The following PRPF39 variants were observed in gnomAD, a reference collection of about 807,000 sequenced individuals.
The protein encoded by PRPF39 is pre-mRNA processing factor 39.
A neutral mutation model predicts 82.1 loss-of-function variants in PRPF39; 27 were observed. The observed-to-expected ratio is 0.33, with a 90% confidence interval of 0.24 to 0.45. PRPF39 has a LOEUF of 0.45. PRPF39 is among the 20% of genes least tolerant of loss of function. The probability of loss-of-function intolerance (pLI) is 1.00; values close to 1 mark genes in which losing one functional copy is unlikely to be tolerated. For missense variants in PRPF39, 581 were observed against 796.9 expected (o/e 0.73, Z 3.26); for synonymous variants, 261 against 256.4 (o/e 1.02, Z -0.17).
chr14:45,110,399 A>G lies in PRPF39; in HGVS notation c.1304-150A>G, dbSNP rs1884665781. ...GGCTTTGTAAGCCATTGTAGCCCCG[A>G]AACAGCCATAGGCAGTGTGTAAATA... On this transcript the variant is annotated intron_variant, in intron 9 of 13. Coordinates refer to ENST00000355765, the MANE Select transcript of PRPF39 (RefSeq NM_017922.4). The surrounding 1 kb of genome is among the most constrained non-coding windows in gnomAD (Gnocchi z 4.0). 2 of 1,194,942 alleles carry G rather than the reference A, an allele frequency of 1.7e-6. No individual in the cohort carries two copies. Among genetic ancestry groups the G allele is most frequent in the African/African-American group, 3.1e-5 (2 of 64,770 alleles). The allele number at this position is 1,194,942 out of a possible 1,614,324, so 74.0% of individuals were successfully genotyped here.
At chr14:45,092,471 C>T (rs1015278308) in intron 1 of PRPF39, among the ~76,000 whole-genome samples, 16 of 151,898 alleles carry the variant, frequency 1.1e-4, no homozygotes, top group African/African-American at 3.6e-4. Context: ...CATGGTGGTG[C>T]GTGCCTGTAG....
intron 4 of PRPF39, among the ~76,000 whole-genome samples, chr14:45,099,549 A>C (rs940645029): frequency 6.6e-6 from 1 of 151,612 alleles, no homozygotes. Context: ...GGTTCACGCC[A>C]TTCTTCTGCA....
chr14:45,089,412 T>A (rs1883948065), intron 1 of PRPF39, among the ~76,000 whole-genome samples: 1 of 152,192 alleles, frequency 6.6e-6, no homozygotes, highest in African/African-American at 2.4e-5. Flanking sequence ...GGGAGTTTAT[T>A]TCTGTGTTCT....
At chr14:45,108,644 C>T (rs1474769481) in intron 7 of PRPF39, 122 bp downstream of exon 7, 1 of 1,264,182 alleles carries the variant, frequency 7.9e-7, no homozygotes, top group African/African-American at 1.6e-5. Context: ...GCCATAACTT[C>T]AGATGTTTGT....
At chr14:45,089,953 A>G (rs1410549936) in intron 1 of PRPF39, among the ~76,000 whole-genome samples, 2 of 152,216 alleles carry the variant, frequency 1.3e-5, no homozygotes, top group African/African-American at 2.4e-5. Context: ...CTGTGATTGC[A>G]GGGTGTGGAG....
chr14:45,087,787 C>T (rs1883886658), intron 1 of PRPF39, among the ~76,000 whole-genome samples: 1 of 148,026 alleles, frequency 6.8e-6, no homozygotes, highest in African/African-American at 2.5e-5. Context: ...CGGGATTTCA[C>T]CGTGTTAGAC....
chr14:45,088,483 A>G (rs1883914697), intron 1 of PRPF39, among the ~76,000 whole-genome samples: 1 of 152,224 alleles, frequency 6.6e-6, no homozygotes, highest in African/African-American at 2.4e-5. Flanking sequence ...AAAAACAGAA[A>G]GCAAAACTCA....
At chr14:45,097,073 G>C (rs1269634858) in intron 4 of PRPF39, 68 bp downstream of exon 4, 2 of 1,432,390 alleles carry the variant, frequency 1.4e-6, no homozygotes, top group South Asian at 3.3e-5. Context: ...TGATAATAGA[G>C]CTCATGAAAG....
At chr14:45,102,765 A>C (rs1254800255) in intron 5 of PRPF39, 69 bp downstream of exon 5, 4 of 1,374,088 alleles carry the variant, frequency 2.9e-6, no homozygotes, top group Non-Finnish European at 4.0e-6. Flanking sequence ...TAAGTATTAT[A>C]ATTATCTTGG....
intron 1 of PRPF39, among the ~76,000 whole-genome samples, chr14:45,093,140 T>TA (rs1156646047): frequency 1.3e-5 from 2 of 152,188 alleles, no homozygotes; most frequent in Admixed American, 1.3e-4. Flanking sequence ...TATATGTATT[T>TA]AAAAAATCTA....
intron 13 of PRPF39, 63 bp downstream of exon 13, chr14:45,114,677 C>CTT: frequency 6.5e-7 from 1 of 1,532,276 alleles, no homozygotes; most frequent in Non-Finnish European, 8.8e-7. Context: ...AGGATAGTTT[C>CTT]TTTTTTTTTA....
chr14:45,115,487 ATGT>A lies in PRPF39; in HGVS notation c.*579_*581del, dbSNP rs1884811357. 1.3e-5 allele frequency: 2 copies of A among 152,606 alleles called. No individual in the cohort carries two copies. Among genetic ancestry groups the A allele is most frequent in the South Asian group, 4.2e-4 (2 of 4,816 alleles). 9.5% of individuals were successfully genotyped at this position (152,606 alleles called of 1,614,324 possible). On this transcript the variant is annotated 3_prime_UTR_variant, in exon 14 of 14. Coordinates refer to ENST00000355765, the MANE Select transcript of PRPF39 (RefSeq NM_017922.4). ...TAAAAATGAAAATCATATCAAAAGT[ATGT>A]TGTTTCAGGAGACTTTGTATTTAGA...
At chr14:45,096,256 T>C in intron 3 of PRPF39, 28 bp downstream of exon 3, 1 of 1,530,736 alleles carries the variant, frequency 6.5e-7, no homozygotes, top group Non-Finnish European at 8.8e-7. Context: ...TAAACTTATC[T>C]CCAATAGGTA....
At chr14:45,087,740 A>ATTTTTTTTTTTTTTTTTT (rs35926249) in intron 1 of PRPF39, among the ~76,000 whole-genome samples, 1 of 123,426 alleles carries the variant, frequency 8.1e-6, no homozygotes, top group Non-Finnish European at 1.7e-5. Context: ...TGCCCGGCTA[A>ATTTTTTTTTTTTTTTTTT]TTTTTTTTTT....
chr14:45,111,058 A>G (rs1884681758), intron 10 of PRPF39: 2 of 457,704 alleles, frequency 4.4e-6, no homozygotes, highest in South Asian at 3.0e-5. Context: ...GTGATACTTT[A>G]TATTTTCCCT....
chr14:45,094,113 A>G (rs1187989254), intron 1 of PRPF39, among the ~76,000 whole-genome samples: 1 of 152,034 alleles, frequency 6.6e-6, no homozygotes, highest in Non-Finnish European at 1.5e-5. Context: ...ATTAACTACT[A>G]TTAATATATT....
chr14:45,114,427 T>A, intron 12 of PRPF39, 67 bp from the exon 13 acceptor site: 1 of 1,457,768 alleles, frequency 6.9e-7, no homozygotes, highest in African/African-American at 1.4e-5. Context: ...ACAGATAACA[T>A]TCATCTATTC....
At chr14:45,086,620 C>T (rs1268209601) in intron 1 of PRPF39, among the ~76,000 whole-genome samples, 1 of 152,052 alleles carries the variant, frequency 6.6e-6, no homozygotes, top group African/African-American at 2.4e-5. Context: ...AAGATTAATA[C>T]TTTTGGAAAG....
intron 4 of PRPF39, among the ~76,000 whole-genome samples, 178 bp from the exon 5 acceptor site, chr14:45,102,351 C>G (rs1884403144): frequency 6.6e-6 from 1 of 152,186 alleles, no homozygotes; most frequent in African/African-American, 2.4e-5. Context: ...TGTTTTCTCA[C>G]TCTTTTTAAG....
Sources: gnomAD v4.1 joint callset for allele counts (sites outside exome capture counted in the v4.1 genomes callset) on GRCh38, gnomAD v4.1.1 for gene constraint, Gnocchi (gnomAD v3.1) non-coding constraint, MANE v1.5 for transcripts, NCBI Gene and HGNC (gene_info 2026-07-23, HGNC 2026-07-21) for gene names.